Variants in MOXD1 observed in about 807,000 individuals in gnomAD.
MOXD1 encodes DBH-like monooxygenase protein 1.
Under a neutral mutation model 66.6 loss-of-function variants are expected in MOXD1, and 62 were observed. The ratio of observed to expected loss-of-function variants is 0.93; its 90% CI spans 0.76 to 1.15. The LOEUF (loss-of-function observed/expected upper bound fraction) is 1.15. Among genes scored for constraint, MOXD1 ranks in the 50% most tolerant of loss-of-function variants. The probability of loss-of-function intolerance (pLI) is 0.00; values close to 1 mark genes in which losing one functional copy is unlikely to be tolerated. For missense variants in MOXD1, 847 were observed against 754.6 expected, an observed-to-expected ratio of 1.12 and a Z score of -1.44; for synonymous variants, 303 against 281.9, an observed-to-expected ratio of 1.07 and a Z score of -0.75.
chr6:132,380,816 T>A (rs1046589186), intron 1 of MOXD1, among the ~76,000 whole-genome samples: 1 of 152,232 alleles, frequency 6.6e-6, no homozygotes, highest in African/African-American at 2.4e-5. Flanking sequence ...GGATTGTGTT[T>A]AACCAGATGC....
At chr6:132,368,884 A>G (rs1776199624) in intron 4 of MOXD1, among the ~76,000 whole-genome samples, 1 of 152,116 alleles carries the variant, frequency 6.6e-6, no homozygotes, top group Admixed American at 6.6e-5. Context: ...TACATGCATT[A>G]AAGCTTAATT....
At position 132,401,241 on chromosome 6, in the gene MOXD1, G is replaced by C; in HGVS notation, c.186C>G (p.Phe62Leu). 6.3e-7 allele frequency: 1 copy of C among 1,590,792 alleles called. No homozygotes were observed. Among genetic ancestry groups the C allele is most frequent in the South Asian group, 1.1e-5 (1 of 89,138 alleles). Residue 62 changes from phenylalanine to leucine, a missense_variant, in exon 1 of 12, where the codon TTC becomes TTG. Coordinates refer to ENST00000367963, the MANE Select transcript of MOXD1 (RefSeq NM_015529.4). ...CCATGGCCCCGGTGGGCGAGAAGCC[G>C]AAGCCCACGTAGCCTGCAGTGCGCA... ...LQVRTAGYVGFGFSPTGAMAS... is the reference protein window; with the variant it reads ...LQVRTAGYVGLGFSPTGAMAS...
At chr6:132,344,565 G>T (rs1177114604) in intron 4 of MOXD1, among the ~76,000 whole-genome samples, 2 of 152,186 alleles carry the variant, frequency 1.3e-5, no homozygotes, top group Non-Finnish European at 2.9e-5. Context: ...AGACTGGATT[G>T]AGAACCTCTG....
intron 10 of MOXD1, among the ~76,000 whole-genome samples, chr6:132,312,834 C>A (rs1774861342): frequency 6.6e-6 from 1 of 151,628 alleles, no homozygotes; most frequent in Non-Finnish European, 1.5e-5. Context: ...CCATAGAATG[C>A]ATTTAAATCA....
In MOXD1 at chr6:132,401,371, CCCG is replaced by C; in HGVS notation, c.53_55del (p.Ala18del). The C allele has an allele frequency of 6.5e-7, 1 of 1,545,974 alleles. No individual in the cohort carries two copies. The highest frequency in any genetic ancestry group is 8.7e-7 in the Non-Finnish European group (1 of 1,152,008). On this transcript the variant is annotated inframe_deletion, in exon 1 of 12. Transcript: ENST00000367963. The stretch of plus-strand genomic sequence containing the variant: ...GTGCGGATAGGTTCGGCCCGAGCCC[CCCG>C]CCGCCGTCCCGGGGAGCAGCCCCCA...
chr6:132,353,098 G>A (rs961130838), intron 4 of MOXD1, among the ~76,000 whole-genome samples: 12 of 152,152 alleles, frequency 7.9e-5, no homozygotes, highest in Non-Finnish European at 1.5e-4. Flanking sequence ...CCATTCTGCA[G>A]TTCTATATCT....
At chr6:132,376,714 C>T (rs1281545216) in intron 1 of MOXD1, among the ~76,000 whole-genome samples, 1 of 105,620 alleles carries the variant, frequency 9.5e-6, no homozygotes, top group Non-Finnish European at 1.6e-5. Context: ...GGGGTTTCAC[C>T]GTTTTAGCCA....
intron 1 of MOXD1, among the ~76,000 whole-genome samples, chr6:132,392,488 A>C (rs1454454600): frequency 6.6e-6 from 1 of 152,186 alleles, no homozygotes; most frequent in East Asian, 1.9e-4. Flanking sequence ...ACAGTTGCTA[A>C]ATGATTCGGG....
intron 1 of MOXD1, among the ~76,000 whole-genome samples, chr6:132,378,664 A>G (rs189234590): frequency 2.6e-5 from 4 of 152,240 alleles, no homozygotes; most frequent in Admixed American, 1.3e-4. Context: ...GATGAGAAAC[A>G]AAGTCCTTAC....
At chr6:132,341,567 T>C (rs893984147) in intron 4 of MOXD1, among the ~76,000 whole-genome samples, 2 of 152,218 alleles carry the variant, frequency 1.3e-5, no homozygotes, top group Non-Finnish European at 2.9e-5. Flanking sequence ...CTGTAGCTGA[T>C]AAAGTCAGTA....
intron 4 of MOXD1, among the ~76,000 whole-genome samples, chr6:132,356,660 A>G (rs1775915390): frequency 6.6e-6 from 1 of 152,192 alleles, no homozygotes; most frequent in Non-Finnish European, 1.5e-5. Flanking sequence ...TGGTTTATAC[A>G]TAATAGGAGA....
At chr6:132,375,131 G>A in intron 1 of MOXD1, 1 of 330,542 alleles carries the variant, frequency 3.0e-6, no homozygotes, top group Non-Finnish European at 5.5e-6. Flanking sequence ...TACAAAAAAA[G>A]TTTGATAACT....
chr6:132,347,676 C>CA (rs11429443), intron 4 of MOXD1, among the ~76,000 whole-genome samples: 105,160 of 148,668 alleles, frequency 0.71, 37,097 homozygotes, highest in East Asian at 0.89. Context: ...GATCCTGTCT[C>CA]AAAAAAAAAA....
At chr6:132,320,555 C>A in intron 9 of MOXD1, 74 bp downstream of exon 9, 1 of 1,294,602 alleles carries the variant, frequency 7.7e-7, no homozygotes, top group East Asian at 2.5e-5. Flanking sequence ...ATGGTTTTTA[C>A]CTTTTTCTTC....
intron 1 of MOXD1, among the ~76,000 whole-genome samples, chr6:132,384,091 C>T (rs1776565057): frequency 6.6e-6 from 1 of 152,098 alleles, no homozygotes; most frequent in Non-Finnish European, 1.5e-5. Flanking sequence ...ATTATCTTAA[C>T]TGGTTATGTC....
chr6:132,355,669 A>G (rs1399268709), intron 4 of MOXD1, among the ~76,000 whole-genome samples: 1 of 152,148 alleles, frequency 6.6e-6, no homozygotes, highest in East Asian at 1.9e-4. Flanking sequence ...TCCCAACAAG[A>G]AGAGAGAGCC....
intron 4 of MOXD1, among the ~76,000 whole-genome samples, chr6:132,340,041 T>C (rs1253322481): frequency 6.6e-6 from 1 of 152,094 alleles, no homozygotes; most frequent in Admixed American, 6.5e-5. Context: ...GGATAATTTT[T>C]GTATTTTTAG....
chr6:132,305,632 G>C (rs1314890730), intron 10 of MOXD1, among the ~76,000 whole-genome samples: 1 of 152,202 alleles, frequency 6.6e-6, no homozygotes, highest in African/African-American at 2.4e-5. Flanking sequence ...GAGGTCAGAG[G>C]TCCCAGAAGA....
At chr6:132,389,247 C>G (rs553482987) in intron 1 of MOXD1, among the ~76,000 whole-genome samples, 5 of 151,454 alleles carry the variant, frequency 3.3e-5, no homozygotes, top group African/African-American at 1.2e-4. Flanking sequence ...TTAAGCTTAT[C>G]CCAGAAGGGT....
Sources: allele counts gnomAD v4.1 joint callset (sites outside exome capture counted in the v4.1 genomes callset), GRCh38; gene constraint gnomAD v4.1.1; transcripts MANE v1.5; gene names NCBI Gene and HGNC (gene_info 2026-07-23, HGNC 2026-07-21).